PTPN13: variants seen among roughly 807,000 people sequenced by gnomAD.
PTPN13 encodes protein tyrosine phosphatase non-receptor type 13.
PTPN13 carries 191 observed loss-of-function variants against 284.0 expected under a neutral mutation model. The ratio of observed to expected loss-of-function variants is 0.67; its 90% CI spans 0.60 to 0.76. The LOEUF (loss-of-function observed/expected upper bound fraction) is 0.76. Ranked by LOEUF, PTPN13 falls within the 30% of genes least tolerant of loss-of-function variation. The pLI is 0.00. For synonymous variants in PTPN13, 986 were observed against 1,022.3 expected, an observed-to-expected ratio of 0.96 and a Z score of 0.68; for missense variants, 2,797 against 2,939.9, an observed-to-expected ratio of 0.95 and a Z score of 1.12.
chr4:86,788,940 G>A (rs557505407), intron 40 of PTPN13, among the ~76,000 whole-genome samples: 1 of 152,312 alleles, frequency 6.6e-6, no homozygotes, highest in African/African-American at 2.4e-5. Context: ...CTACACAGGA[G>A]TAGGTGGATA....
At chr4:86,784,706 A>G in intron 38 of PTPN13, 148 bp downstream of exon 38, 2 of 598,538 alleles carry the variant, frequency 3.3e-6, no homozygotes, top group South Asian at 4.5e-5. Flanking sequence ...AAAGAACAAT[A>G]TATAAATGTC....
chr4:86,774,747 G>T (rs1740425595), intron 33 of PTPN13, among the ~76,000 whole-genome samples: 1 of 150,048 alleles, frequency 6.7e-6, no homozygotes, highest in Admixed American at 6.7e-5. Context: ...TAAGTTCTAG[G>T]GTACATGTGC....
chr4:86,629,746 A>C (rs1722255956), intron 1 of PTPN13, among the ~76,000 whole-genome samples: 1 of 152,066 alleles, frequency 6.6e-6, no homozygotes, highest in Non-Finnish European at 1.5e-5. Context: ...TATTACATTA[A>C]AAATTCTAAA....
intron 2 of PTPN13, among the ~76,000 whole-genome samples, chr4:86,660,396 G>GT (rs918574555): frequency 9.3e-5 from 14 of 150,986 alleles, no homozygotes; most frequent in South Asian, 2.1e-4. Flanking sequence ...AATTCCTGAG[G>GT]TTTTTTTTTA....
At chr4:86,707,031 C>T (rs1731848730) in intron 7 of PTPN13, among the ~76,000 whole-genome samples, 1 of 152,116 alleles carries the variant, frequency 6.6e-6, no homozygotes, top group Non-Finnish European at 1.5e-5. Flanking sequence ...CTCTTTCTGT[C>T]TTTCTTGTAA....
rs764670074 is a variant in PTPN13, at chr4:86,635,391, G to A, written c.115+20G>A. The stretch of plus-strand genomic sequence containing the variant: ...GAAAAGGTAAGCTGCTGCTGCTGCT[G>A]CTGTTGTTGTTGTTGTTTCAGTATT... On this transcript the variant is annotated intron_variant, in intron 2 of 47. Transcript: ENST00000411767. 3 of 1,570,500 alleles carry A rather than the reference G, an allele frequency of 1.9e-6. No homozygotes were observed. The South Asian group carries it at 3.5e-5, about 18-fold the overall frequency.
At chr4:86,651,791 A>G (rs887511844) in intron 2 of PTPN13, among the ~76,000 whole-genome samples, 2 of 152,128 alleles carry the variant, frequency 1.3e-5, no homozygotes, top group Admixed American at 1.3e-4. Flanking sequence ...ATAGTCTCTA[A>G]TGATCCTTTG....
At position 86,759,522 on chromosome 4, in the gene PTPN13, G is replaced by C. The variant is rs75372432; in HGVS notation, c.3553+449G>C. The stretch of plus-strand genomic sequence containing the variant: ...TTTGTTTTTACTTAAAGAGTAGACA[G>C]TGATCTTTGCCCTGCTTTGTCTGCC... On this transcript the variant is annotated intron_variant, in intron 23 of 47. Coordinates refer to ENST00000411767, the MANE Select transcript of PTPN13 (RefSeq NM_080683.3). 2.2e-3 allele frequency among the ~76,000 whole-genome samples: 328 copies of C among 152,302 alleles called. 3 individuals carry two copies. Among genetic ancestry groups the C allele is most frequent in the African/African-American group, 7.2e-3 (301 of 41,570 alleles).
At chr4:86,632,083 C>T (rs2148709121) in intron 1 of PTPN13, among the ~76,000 whole-genome samples, 1 of 141,820 alleles carries the variant, frequency 7.1e-6, no homozygotes, top group Non-Finnish European at 1.6e-5. Flanking sequence ...GGAAGTTCTG[C>T]CTCTATATAA....
At chr4:86,793,953 A>G (rs1325965063) in intron 40 of PTPN13, among the ~76,000 whole-genome samples, 2 of 152,188 alleles carry the variant, frequency 1.3e-5, no homozygotes, top group African/African-American at 4.8e-5. Flanking sequence ...GAGAAGCAAG[A>G]GCAAACACAT....
At chr4:86,624,260 C>G (rs1721587842) in intron 1 of PTPN13, among the ~76,000 whole-genome samples, 1 of 152,106 alleles carries the variant, frequency 6.6e-6, no homozygotes, top group African/African-American at 2.4e-5. Context: ...TCTGCAGTAT[C>G]CTCCAAGCAA....
intron 42 of PTPN13, among the ~76,000 whole-genome samples, chr4:86,799,744 C>T (rs1439620324): frequency 6.7e-6 from 1 of 148,318 alleles, no homozygotes; most frequent in Non-Finnish European, 1.5e-5. Flanking sequence ...TGGAGTAAAA[C>T]ATGCAAATAA....
intron 40 of PTPN13, among the ~76,000 whole-genome samples, chr4:86,795,219 G>T (rs1421495680): frequency 6.6e-6 from 1 of 152,142 alleles, no homozygotes; most frequent in Non-Finnish European, 1.5e-5. Context: ...CCATCAAAAA[G>T]TGGGCAAAGG....
At chr4:86,664,909 C>T (rs1002345924) in intron 2 of PTPN13, among the ~76,000 whole-genome samples, 1 of 152,074 alleles carries the variant, frequency 6.6e-6, no homozygotes, top group Non-Finnish European at 1.5e-5. Context: ...TGTCCCATCA[C>T]TTAAGCCTTG....
intron 1 of PTPN13, among the ~76,000 whole-genome samples, chr4:86,614,115 G>A (rs949650292): frequency 1.3e-5 from 2 of 152,004 alleles, no homozygotes; most frequent in Non-Finnish European, 2.9e-5. Flanking sequence ...AAATACAATC[G>A]AATTTATTAG....
chr4:86,691,323 C>T (rs1157143440), intron 5 of PTPN13, among the ~76,000 whole-genome samples: 1 of 151,844 alleles, frequency 6.6e-6, no homozygotes, highest in Non-Finnish European at 1.5e-5. Flanking sequence ...TGGATAAAGG[C>T]TGTGAAATGG....
At chr4:86,780,360 A>G in intron 35 of PTPN13, 42 bp from the exon 36 acceptor site, 2 of 1,544,554 alleles carry the variant, frequency 1.3e-6, no homozygotes, top group South Asian at 1.2e-5. Flanking sequence ...TCAAGGCTAC[A>G]ATGTCCAAGA....
At chr4:86,632,799 C>T (rs1722605239) in intron 1 of PTPN13, among the ~76,000 whole-genome samples, 2 of 151,780 alleles carry the variant, frequency 1.3e-5, no homozygotes, top group South Asian at 4.2e-4. Flanking sequence ...ATAAAACTTA[C>T]CCTTTAAAAA....
chr4:86,779,332 G>A (rs1741021362), intron 35 of PTPN13, among the ~76,000 whole-genome samples: 1 of 151,780 alleles, frequency 6.6e-6, no homozygotes, highest in African/African-American at 2.4e-5. Flanking sequence ...CAGGAGAATG[G>A]CGTGAACCCG....
Sources: gnomAD v4.1 joint callset for allele counts (sites outside exome capture counted in the v4.1 genomes callset) on GRCh38, gnomAD v4.1.1 for gene constraint, MANE v1.5 for transcripts, NCBI Gene and HGNC (gene_info 2026-07-23, HGNC 2026-07-21) for gene names.